TCP11L2: variants seen among roughly 807,000 people sequenced by gnomAD.
The protein encoded by TCP11L2 is T-complex protein 11-like protein 2.
TCP11L2 carries 39 observed loss-of-function variants against 50.7 expected under a neutral mutation model. The ratio of observed to expected loss-of-function variants is 0.77; its 90% CI spans 0.60 to 1.01. The LOEUF (loss-of-function observed/expected upper bound fraction) is 1.01, where lower values mean the gene tolerates loss of function less well. TCP11L2 is among the 50% of genes least tolerant of loss of function. The pLI is 0.00. For missense variants in TCP11L2, 612 were observed against 614.7 expected (o/e 1.00, Z 0.05); for synonymous variants, 192 against 219.3 (o/e 0.88, Z 1.10).
At chr12:106,344,863 C>T (rs776868342) in intron 9 of TCP11L2, among the ~76,000 whole-genome samples, 2 of 152,098 alleles carry the variant, frequency 1.3e-5, no homozygotes, top group African/African-American at 4.8e-5. Context: ...TTTGTGTAGT[C>T]GTCTCAAAGT....
At position 106,346,810 on chromosome 12, in the gene TCP11L2, T is replaced by C. The variant is rs1565865781; in HGVS notation, c.*280T>C. On this transcript the variant is annotated 3_prime_UTR_variant, in exon 10 of 10. Coordinates refer to ENST00000299045, the MANE Select transcript of TCP11L2 (RefSeq NM_152772.3). The stretch of plus-strand genomic sequence containing the variant: ...AATTTGTAATTAATTATATTACCTA[T>C]ATAATACTTGTAAATGTTTTCTTAA... 3.3e-6 allele frequency: 1 copy of C among 307,528 alleles called. No individual in the cohort carries two copies. Among genetic ancestry groups the C allele is most frequent in the East Asian group, 5.3e-5 (1 of 18,692 alleles). The allele number at this position is 307,528 out of a possible 1,614,324, so 19.0% of individuals were successfully genotyped here. A position where few individuals can be genotyped will look rare whatever the true frequency, so the allele number is the denominator to read the frequency against.
intron 3 of TCP11L2, 40 bp downstream of exon 3, chr12:106,314,533 T>TTC (rs768247305): frequency 6.8e-7 from 1 of 1,477,448 alleles, no homozygotes; most frequent in Non-Finnish European, 9.3e-7. Context: ...CTGCTGAAGA[T>TTC]TCTGTGTGTG....
At chr12:106,303,234 T>C (rs900354493) in intron 1 of TCP11L2, 3 of 152,228 alleles carry the variant, frequency 2.0e-5, no homozygotes, top group Admixed American at 2.0e-4. Context: ...GCTTCGCCGC[T>C]GTTTAAATCC....
chr12:106,329,397 G>A (rs1258449345), intron 6 of TCP11L2: 80 of 1,535,990 alleles, frequency 5.2e-5, no homozygotes, highest in Middle Eastern at 1.7e-4. Flanking sequence ...AGCAGTCACC[G>A]TGCCAGCCTG....
intron 6 of TCP11L2, among the ~76,000 whole-genome samples, chr12:106,326,491 A>G (rs559898835): frequency 1.3e-5 from 2 of 152,310 alleles, no homozygotes; most frequent in East Asian, 1.9e-4. Context: ...GAATGGGCCT[A>G]TTATAGCAGT....
At chr12:106,312,215 G>T in intron 2 of TCP11L2, 1 of 401,904 alleles carries the variant, frequency 2.5e-6, no homozygotes, top group African/African-American at 2.1e-5. Flanking sequence ...GTGAATGTAC[G>T]GTAAAATTAA....
At chr12:106,321,748 GTTCA>G in intron 5 of TCP11L2, 42 bp downstream of exon 5, 1 of 1,567,420 alleles carries the variant, frequency 6.4e-7, no homozygotes, top group South Asian at 1.1e-5. Flanking sequence ...GTATCTTTGA[GTTCA>G]TTCAGAAGGG....
chr12:106,300,679 T>G (rs140247440), upstream of TCP11L2, among the ~76,000 whole-genome samples: 21 of 152,348 alleles, frequency 1.4e-4, no homozygotes, highest in African/African-American at 4.6e-4. Flanking sequence ...GTCAGGTAAT[T>G]CACAGAAGGG....
At chr12:106,330,113 G>C (rs2035695926) in intron 6 of TCP11L2, 1 of 985,272 alleles carries the variant, frequency 1.0e-6, no homozygotes, top group African/African-American at 1.7e-5. Context: ...TTTGTTTCTA[G>C]TGGGAAACCT....
intron 6 of TCP11L2, among the ~76,000 whole-genome samples, chr12:106,331,428 G>T (rs2035743165): frequency 6.6e-6 from 1 of 152,170 alleles, no homozygotes. Context: ...TGATCACTTT[G>T]TCTGAGGCAA....
intron 9 of TCP11L2, 30 bp from the exon 10 acceptor site, chr12:106,346,256 C>A: frequency 6.4e-7 from 1 of 1,572,468 alleles, no homozygotes; most frequent in Non-Finnish European, 8.6e-7. Context: ...TAATAATGGA[C>A]AGATAAAAGT....
intron 2 of TCP11L2, among the ~76,000 whole-genome samples, chr12:106,312,664 C>T (rs1378897924): frequency 6.6e-6 from 1 of 152,172 alleles, no homozygotes; most frequent in Non-Finnish European, 1.5e-5. Flanking sequence ...AGGCAAATCA[C>T]CTGAGGTCAG....
intron 8 of TCP11L2, 44 bp downstream of exon 8, chr12:106,336,257 T>C: frequency 7.3e-7 from 1 of 1,368,478 alleles, no homozygotes; most frequent in Non-Finnish European, 1.0e-6. Flanking sequence ...GTATTAAGGC[T>C]CTGCATGTGT....
rs75270264 is a variant in TCP11L2, at chr12:106,316,965, T to G, written c.294-1379T>G. Reference sequence around the variant, plus strand: ...GCGAGTACAGGCCATAGTGAAGGCATTTTAGGCTCAGACAGACTGTGGGGT... The same window carrying G: ...GCGAGTACAGGCCATAGTGAAGGCAGTTTAGGCTCAGACAGACTGTGGGGT... On this transcript the variant is annotated intron_variant, in intron 3 of 9. Coordinates refer to ENST00000299045, the MANE Select transcript of TCP11L2 (RefSeq NM_152772.3). Among the ~76,000 whole-genome samples the G allele has an allele frequency of 1.5e-3, 233 of 152,296 alleles. 1 individual carries two copies. Among genetic ancestry groups the G allele is most frequent in the African/African-American group, 5.3e-3 (221 of 41,552 alleles).
Position 106,321,595 on chromosome 12 carries a change from TC to T in TCP11L2, c.526del (p.Gln176LysfsTer26). Reference sequence around the variant, plus strand: ...CAGGCTGAGCACAGTGCTGTTGACATCCAAGGCCTGGCCAACTATGTCATCA... The same window carrying T: ...CAGGCTGAGCACAGTGCTGTTGACATCAAGGCCTGGCCAACTATGTCATCA... ...RQQAEHSAVD[I>X]QGLANYVIST... On this transcript the variant is annotated frameshift_variant, in exon 5 of 10. Transcript: ENST00000299045. LOFTEE classifies it high-confidence loss of function. 1 of 1,614,230 alleles carries T rather than the reference TC, an allele frequency of 6.2e-7. No individual in the cohort carries two copies.
chr12:106,340,006 AGGATTT>A (rs2036042491), intron 8 of TCP11L2, among the ~76,000 whole-genome samples: 1 of 152,262 alleles, frequency 6.6e-6, no homozygotes, highest in South Asian at 2.1e-4. Context: ...TGGTAGAGCC[AGGATTT>A]GAACCCAGCT....
chr12:106,318,274 GA>G, intron 3 of TCP11L2, 69 bp from the exon 4 acceptor site: 1 of 1,514,434 alleles, frequency 6.6e-7, no homozygotes, highest in Non-Finnish European at 9.0e-7. Context: ...TTTCTACAAT[GA>G]GGATGTTTCT....
At chr12:106,329,546 G>A in intron 6 of TCP11L2, 1 of 1,435,684 alleles carries the variant, frequency 7.0e-7, no homozygotes, top group African/African-American at 1.4e-5. Context: ...AGAGGCCTGA[G>A]CCCTGCCTCA....
At chr12:106,303,909 C>T (rs1235673491) in intron 1 of TCP11L2, 1 of 152,312 alleles carries the variant, frequency 6.6e-6, no homozygotes, top group East Asian at 1.9e-4. Context: ...GATGGTTGTC[C>T]TGCTACCTTA....
Sources: allele counts gnomAD v4.1 joint callset (sites outside exome capture counted in the v4.1 genomes callset), GRCh38; gene constraint gnomAD v4.1.1; transcripts MANE v1.5; gene names NCBI Gene and HGNC (gene_info 2026-07-23, HGNC 2026-07-21).